The following VPS39 variants were observed in gnomAD, a reference collection of about 807,000 sequenced individuals.
The protein encoded by VPS39 is vam6/Vps39-like protein.
VPS39 carries 70 observed loss-of-function variants against 121.0 expected under a neutral mutation model. The observed-to-expected ratio is 0.58, with a 90% confidence interval of 0.48 to 0.71. The LOEUF (loss-of-function observed/expected upper bound fraction) is 0.71, where lower values mean the gene tolerates loss of function less well. Ranked by LOEUF, VPS39 falls within the 30% of genes least tolerant of loss-of-function variation. The pLI, the probability that VPS39 is intolerant of heterozygous loss-of-function variation, is 0.00. For synonymous variants in VPS39, 378 were observed against 398.1 expected, an observed-to-expected ratio of 0.95 and a Z score of 0.60; for missense variants, 818 against 1,051.5, an observed-to-expected ratio of 0.78 and a Z score of 3.07.
At chr15:42,178,680 CT>C in intron 8 of VPS39, 110 bp from the exon 9 acceptor site, 1 of 1,467,588 alleles carries the variant, frequency 6.8e-7, no homozygotes, top group Non-Finnish European at 9.3e-7. Flanking sequence ...AAAAAGTCCC[CT>C]AGTCAAATAT....
chr15:42,168,819 G>A (rs937393522), intron 12 of VPS39, among the ~76,000 whole-genome samples: 3 of 152,010 alleles, frequency 2.0e-5, no homozygotes, highest in Non-Finnish European at 4.4e-5. Flanking sequence ...CTGGGATTAC[G>A]GGCATGACCC....
chr15:42,176,790 C>T (rs189522722), intron 10 of VPS39, among the ~76,000 whole-genome samples: 41 of 152,232 alleles, frequency 2.7e-4, no homozygotes, highest in Non-Finnish European at 2.2e-4. Context: ...AAGTGCTTTC[C>T]TTTTAGAAAT....
At chr15:42,190,966 G>A (rs1026482828) in intron 4 of VPS39, among the ~76,000 whole-genome samples, 159 bp downstream of exon 4, 2 of 152,226 alleles carry the variant, frequency 1.3e-5, no homozygotes, top group Admixed American at 1.3e-4. Flanking sequence ...AGTCTATGGA[G>A]GATGCTGCTG....
intron 8 of VPS39, among the ~76,000 whole-genome samples, chr15:42,179,939 G>C (rs2049547775): frequency 6.6e-6 from 1 of 152,174 alleles, no homozygotes; most frequent in Non-Finnish European, 1.5e-5. Flanking sequence ...AAAAGGGCTT[G>C]TGGAGTGGGT....
At chr15:42,202,186 T>C (rs2050081519) in intron 1 of VPS39, among the ~76,000 whole-genome samples, 3 of 152,180 alleles carry the variant, frequency 2.0e-5, no homozygotes, top group Admixed American at 2.0e-4. Flanking sequence ...GTAGTTATAT[T>C]TATAAAAACA....
chr15:42,196,598 G>T (rs1404390666), intron 2 of VPS39, among the ~76,000 whole-genome samples: 1 of 152,200 alleles, frequency 6.6e-6, no homozygotes, highest in African/African-American at 2.4e-5. Context: ...GGCCATCAGA[G>T]AAATGCAAAT....
At chr15:42,198,693 AG>A (rs2049997947) in intron 2 of VPS39, among the ~76,000 whole-genome samples, 1 of 152,138 alleles carries the variant, frequency 6.6e-6, no homozygotes, top group African/African-American at 2.4e-5. Context: ...GTACTGCTCC[AG>A]GGCCTAACTG....
intron 1 of VPS39, among the ~76,000 whole-genome samples, chr15:42,202,595 A>G (rs1297237530): frequency 2.0e-5 from 3 of 152,210 alleles, no homozygotes; most frequent in Admixed American, 2.0e-4. Context: ...AAAATCTACA[A>G]CCAAAACAAA....
In VPS39 at chr15:42,189,702, C is replaced by G. The variant is rs374218914; in HGVS notation, c.248-494G>C. Among the ~76,000 whole-genome samples the G allele has an allele frequency of 4.2e-4, 48 of 113,162 alleles. No homozygotes were observed. The East Asian group carries it at 0.011, about 25-fold the overall frequency. The allele number at this position is 113,162 out of a possible 152,430, so 74.2% of individuals were successfully genotyped here. On this transcript the variant is annotated intron_variant, in intron 4 of 24. Transcript: ENST00000318006. The stretch of plus-strand genomic sequence containing the variant: ...CAGGGCTGCACCACTACACTCCAGC[C>G]TGGGCGACAGAGTGAGACTCCGTCT...
chr15:42,166,829 C>A lies in VPS39; in HGVS notation c.1462G>T (p.Ala488Ser). The change falls in exon 14 of 25, where the codon GCT (alanine) becomes TCT (serine). Residue 488 changes from alanine (A) to serine (S), a missense_variant. Physicochemically the swap from Ala to Ser is moderately conservative, Grantham distance 99. Transcript: ENST00000318006. Reference protein sequence around the residue: ...IEESEHVLKKAHKYSELIILY... With the variant: ...IEESEHVLKKSHKYSELIILY... ...ATGATAAGCTCACTGTACTTGTGAGCCTTCTTTAGCACGTGCTCGCTCTCC... is the reference window on the plus strand; with the variant it reads ...ATGATAAGCTCACTGTACTTGTGAGACTTCTTTAGCACGTGCTCGCTCTCC... The A allele has an allele frequency of 6.2e-7, 1 of 1,614,214 alleles. No homozygotes were observed. Among genetic ancestry groups the A allele is most frequent in the Non-Finnish European group, 8.5e-7 (1 of 1,180,044 alleles).
intron 12 of VPS39, among the ~76,000 whole-genome samples, chr15:42,168,543 CTT>C (rs773910224): frequency 3.0e-4 from 41 of 136,688 alleles, no homozygotes; most frequent in Non-Finnish European, 2.2e-4. Context: ...AATACTTCTT[CTT>C]TTTTTTTTTT....
chr15:42,177,909 T>G (rs1037559287), intron 10 of VPS39, among the ~76,000 whole-genome samples: 1 of 152,212 alleles, frequency 6.6e-6, no homozygotes, highest in Non-Finnish European at 1.5e-5. Context: ...TCAGGTGATC[T>G]GCTCGCCTTG....
chr15:42,162,571 G>C (rs1468847010), intron 21 of VPS39, 90 bp from the exon 22 acceptor site: 1 of 1,415,832 alleles, frequency 7.1e-7, no homozygotes, highest in African/African-American at 1.4e-5. Context: ...CGAGGGGCTC[G>C]CCTACAGTAA....
intron 4 of VPS39, among the ~76,000 whole-genome samples, chr15:42,189,413 A>C (rs1301769093): frequency 6.6e-6 from 1 of 152,128 alleles, no homozygotes; most frequent in Non-Finnish European, 1.5e-5. Context: ...GGTCTTCTAA[A>C]CTTGGATATT....
intron 4 of VPS39, among the ~76,000 whole-genome samples, chr15:42,189,476 C>A (rs572634743): frequency 6.6e-6 from 1 of 152,094 alleles, no homozygotes; most frequent in Non-Finnish European, 1.5e-5. Flanking sequence ...CACCTGTCAT[C>A]CCAGCACTTT....
intron 12 of VPS39, among the ~76,000 whole-genome samples, chr15:42,168,717 T>C (rs1370347856): frequency 6.6e-6 from 1 of 152,126 alleles, no homozygotes; most frequent in Non-Finnish European, 1.5e-5. Flanking sequence ...CTAATTTTTG[T>C]ATTTTTAGTA....
chr15:42,179,939 G>A (rs2049547775), intron 8 of VPS39, among the ~76,000 whole-genome samples: 1 of 152,174 alleles, frequency 6.6e-6, no homozygotes, highest in South Asian at 2.1e-4. Context: ...AAAAGGGCTT[G>A]TGGAGTGGGT....
At chr15:42,202,419 T>C (rs576818218) in intron 1 of VPS39, among the ~76,000 whole-genome samples, 93 of 152,328 alleles carry the variant, frequency 6.1e-4, no homozygotes, top group African/African-American at 2.1e-3. Context: ...AAGAATTCAT[T>C]TTGCAATATT....
At chr15:42,174,389 G>A (rs1333833615) in intron 10 of VPS39, among the ~76,000 whole-genome samples, 2 of 152,144 alleles carry the variant, frequency 1.3e-5, no homozygotes, top group African/African-American at 4.8e-5. Flanking sequence ...ATGCCTAACC[G>A]GTAATCTTGA....
Sources: gnomAD v4.1 joint callset for allele counts (sites outside exome capture counted in the v4.1 genomes callset) on GRCh38, gnomAD v4.1.1 for gene constraint, MANE v1.5 for transcripts, NCBI Gene and HGNC (gene_info 2026-07-23, HGNC 2026-07-21) for gene names.